Variants in SUPT3H observed in about 807,000 individuals in gnomAD.
SUPT3H encodes the protein SPT3 homolog, SAGA and STAGA complex component.
In SUPT3H, 44 loss-of-function variants were observed where a neutral mutation model predicts 44.3. The ratio of observed to expected loss-of-function variants is 0.99; its 90% CI spans 0.78 to 1.28. The LOEUF (loss-of-function observed/expected upper bound fraction) is 1.28, where lower values mean the gene tolerates loss of function less well. Among genes scored for constraint, SUPT3H ranks in the 50% most tolerant of loss-of-function variants. SUPT3H has a pLI of 0.00. For missense variants in SUPT3H, 380 were observed against 387.1 expected, an observed-to-expected ratio of 0.98 and a Z score of 0.15; for synonymous variants, 124 against 125.6, an observed-to-expected ratio of 0.99 and a Z score of 0.09.
At chr6:45,151,698 T>C (rs1039785273) in intron 2 of SUPT3H, among the ~76,000 whole-genome samples, 1 of 152,196 alleles carries the variant, frequency 6.6e-6, no homozygotes, top group African/African-American at 2.4e-5. Context: ...ATTGTAACTG[T>C]TTTCTAAATC....
intron 2 of SUPT3H, among the ~76,000 whole-genome samples, chr6:45,121,112 A>G (rs1369279354): frequency 6.6e-6 from 1 of 152,154 alleles, no homozygotes; most frequent in Non-Finnish European, 1.5e-5. Flanking sequence ...CCATTCATAT[A>G]CTGTTTCCAG....
At chr6:44,924,883 T>C (rs1400528724) in intron 10 of SUPT3H, among the ~76,000 whole-genome samples, 1 of 152,122 alleles carries the variant, frequency 6.6e-6, no homozygotes, top group African/African-American at 2.4e-5. Context: ...TCTACCCAAT[T>C]TCTACTTGGT....
At chr6:45,262,753 C>T (rs1451105262) in intron 2 of SUPT3H, among the ~76,000 whole-genome samples, 5 of 151,938 alleles carry the variant, frequency 3.3e-5, no homozygotes, top group African/African-American at 4.8e-5. Context: ...ACTATGCATC[C>T]GACAAAGGTC....
intron 2 of SUPT3H, among the ~76,000 whole-genome samples, chr6:45,243,518 A>ACACAAATTAT (rs1770781752): frequency 6.6e-6 from 1 of 152,220 alleles, no homozygotes; most frequent in African/African-American, 2.4e-5. Context: ...GAGAAAAAGA[A>ACACAAATTAT]CACAAATTAT....
chr6:45,215,682 G>A (rs1764918291), intron 2 of SUPT3H, among the ~76,000 whole-genome samples: 1 of 152,082 alleles, frequency 6.6e-6, no homozygotes, highest in African/African-American at 2.4e-5. Context: ...AAAGCCTACA[G>A]AAATTATGGG....
At chr6:45,148,124 A>G (rs1806378021) in intron 2 of SUPT3H, among the ~76,000 whole-genome samples, 1 of 151,938 alleles carries the variant, frequency 6.6e-6, no homozygotes, top group Admixed American at 6.6e-5. Flanking sequence ...TGTCTAACTG[A>G]AGAAATAAAA....
intron 2 of SUPT3H, among the ~76,000 whole-genome samples, chr6:45,291,015 C>A (rs147284512): frequency 6.6e-6 from 1 of 152,278 alleles, no homozygotes; most frequent in Non-Finnish European, 1.5e-5. Flanking sequence ...CCTGAAAGGA[C>A]CCACAGACCC....
chr6:45,235,918 A>G (rs768214641), intron 2 of SUPT3H, among the ~76,000 whole-genome samples: 1 of 152,156 alleles, frequency 6.6e-6, no homozygotes, highest in African/African-American at 2.4e-5. Flanking sequence ...GCTTTCCTAA[A>G]CCACAAATAA....
At chr6:45,054,639 T>C (rs779629008) in intron 3 of SUPT3H, among the ~76,000 whole-genome samples, 1 of 152,202 alleles carries the variant, frequency 6.6e-6, no homozygotes, top group Non-Finnish European at 1.5e-5. Context: ...TCTGCCACTA[T>C]GTAGCCATTG....
rs182005537 is a variant in SUPT3H at position 45,037,149 on chromosome 6, C to A, written c.187-16517G>T. On this transcript the variant is annotated intron_variant, in intron 3 of 10. Transcript: ENST00000371459. ...TTATAAGAAAATGCAAATATAGTAC[C>A]ATACACAATTCAGCTATGAATTCAG... Among the ~76,000 whole-genome samples the A allele has an allele frequency of 3.2e-3, 493 of 151,860 alleles. 1 individual carries two copies. The highest frequency in any genetic ancestry group is 0.011 in the African/African-American group (468 of 41,400).
intron 2 of SUPT3H, among the ~76,000 whole-genome samples, chr6:45,261,723 T>C (rs1774398634): frequency 6.6e-6 from 1 of 152,086 alleles, no homozygotes; most frequent in Non-Finnish European, 1.5e-5. Flanking sequence ...CTGAAAGTCC[T>C]AGCCAGAGCA....
intron 3 of SUPT3H, among the ~76,000 whole-genome samples, chr6:45,096,114 T>C (rs1797749169): frequency 6.6e-6 from 1 of 152,112 alleles, no homozygotes; most frequent in Admixed American, 6.6e-5. Flanking sequence ...AAGTAAATAT[T>C]AGCATTGCAA....
chr6:44,903,517 T>G (rs1165161289), intron 10 of SUPT3H, among the ~76,000 whole-genome samples: 1 of 151,972 alleles, frequency 6.6e-6, no homozygotes, highest in East Asian at 1.9e-4. Flanking sequence ...AATAACAGGC[T>G]CTGAAATTGA....
At chr6:45,292,608 C>T (rs924047766) in intron 2 of SUPT3H, among the ~76,000 whole-genome samples, 1 of 151,406 alleles carries the variant, frequency 6.6e-6, no homozygotes, top group Non-Finnish European at 1.5e-5. Context: ...CATATAAAGA[C>T]TCACACAAAC....
chr6:44,982,424 C>T (rs1554194362), intron 6 of SUPT3H, among the ~76,000 whole-genome samples: 2 of 152,114 alleles, frequency 1.3e-5, no homozygotes, highest in African/African-American at 2.4e-5. Flanking sequence ...AGTGTTTCAC[C>T]GTGTTAGCCA....
chr6:44,944,213 C>T (rs938659326), intron 9 of SUPT3H, among the ~76,000 whole-genome samples: 7 of 151,890 alleles, frequency 4.6e-5, no homozygotes, highest in South Asian at 2.1e-4. Flanking sequence ...CCCAAGTATA[C>T]TGAACATTTA....
intron 1 of SUPT3H, among the ~76,000 whole-genome samples, chr6:45,376,134 T>C (rs4714853): frequency 0.15 from 22,976 of 152,194 alleles, 1,970 homozygotes; most frequent in East Asian, 0.26. Flanking sequence ...CTGTCATAGC[T>C]CTCTGAATCT....
intron 1 of SUPT3H, among the ~76,000 whole-genome samples, chr6:45,374,975 G>A (rs913492697): frequency 3.9e-5 from 6 of 152,234 alleles, no homozygotes; most frequent in African/African-American, 1.4e-4. Context: ...GGGAGGCTGA[G>A]GCGGGTGGAG....
At chr6:44,904,664 A>G (rs184042318) in intron 10 of SUPT3H, among the ~76,000 whole-genome samples, 311 of 152,324 alleles carry the variant, frequency 2.0e-3, no homozygotes, top group African/African-American at 6.7e-3. Flanking sequence ...AATTGGAAAA[A>G]ACTACTTTAA....
Sources: gnomAD v4.1 joint callset for allele counts (sites outside exome capture counted in the v4.1 genomes callset) on GRCh38, gnomAD v4.1.1 for gene constraint, MANE v1.5 for transcripts, NCBI Gene and HGNC (gene_info 2026-07-23, HGNC 2026-07-21) for gene names.